MPRIP: variants seen among roughly 807,000 people sequenced by gnomAD.
MPRIP encodes the protein myosin phosphatase Rho-interacting protein.
A neutral mutation model predicts 234.9 loss-of-function variants in MPRIP; 59 were observed. The observed-to-expected ratio is 0.25, with a 90% CI of 0.20 to 0.31. The LOEUF is 0.31. MPRIP is among the 10% of genes least tolerant of loss of function. The pLI is 1.00. For synonymous variants in MPRIP, 1,144 were observed against 1,263.9 expected, an observed-to-expected ratio of 0.91 and a Z score of 2.01; for missense variants, 2,436 against 3,071.0, an observed-to-expected ratio of 0.79 and a Z score of 4.89.
chr17:17,156,284 GGAAT>G (rs1683437817), intron 13 of MPRIP, among the ~76,000 whole-genome samples: 1 of 152,248 alleles, frequency 6.6e-6, no homozygotes, highest in Non-Finnish European at 1.5e-5. Context: ...TGGGCCCAGG[GGAAT>G]GAATGAGGAG....
chr17:17,043,981 T>A (rs2088265102), intron 1 of MPRIP, among the ~76,000 whole-genome samples: 1 of 152,202 alleles, frequency 6.6e-6, no homozygotes. Context: ...GAAGAACCCC[T>A]TAGACTGAAA....
At chr17:17,132,500 G>T (rs1165122306) in intron 5 of MPRIP, among the ~76,000 whole-genome samples, 1 of 152,218 alleles carries the variant, frequency 6.6e-6, no homozygotes, top group African/African-American at 2.4e-5. Flanking sequence ...ATAGTCACCC[G>T]AGAGGGAGCA....
intron 5 of MPRIP, among the ~76,000 whole-genome samples, chr17:17,134,497 A>T (rs147141872): frequency 1.3e-4 from 20 of 152,246 alleles, no homozygotes; most frequent in Non-Finnish European, 2.8e-4. Flanking sequence ...GCTTCCGAGA[A>T]GCTGGCTTCT....
intron 3 of MPRIP, among the ~76,000 whole-genome samples, chr17:17,118,236 C>T (rs1296739376): frequency 6.6e-6 from 1 of 152,222 alleles, no homozygotes; most frequent in Non-Finnish European, 1.5e-5. Context: ...CTTCTAGGAG[C>T]CTGATCTAAC....
chr17:17,100,282 A>G (rs572690387), intron 3 of MPRIP, among the ~76,000 whole-genome samples: 8 of 152,342 alleles, frequency 5.3e-5, no homozygotes, highest in African/African-American at 1.7e-4. Flanking sequence ...CTTGGAGAGC[A>G]TGGCACGGCT....
chr17:17,072,831 C>G (rs2089230157), intron 1 of MPRIP, among the ~76,000 whole-genome samples: 1 of 152,178 alleles, frequency 6.6e-6, no homozygotes, highest in Non-Finnish European at 1.5e-5. Flanking sequence ...GCCTCTGCAC[C>G]TGTGCATCAG....
intron 3 of MPRIP, among the ~76,000 whole-genome samples, chr17:17,115,334 G>T (rs919112026): frequency 6.6e-6 from 1 of 152,226 alleles, no homozygotes; most frequent in Non-Finnish European, 1.5e-5. Flanking sequence ...TGATGGAGGC[G>T]GCATGCTGTG....
chr17:17,144,748 T>C (rs1050752523), intron 9 of MPRIP, among the ~76,000 whole-genome samples: 2 of 152,114 alleles, frequency 1.3e-5, no homozygotes, highest in African/African-American at 4.8e-5. Flanking sequence ...CCCAGCTATT[T>C]GAGAGGCTGA....
chr17:17,079,261 A>C (rs567481194), intron 3 of MPRIP, among the ~76,000 whole-genome samples: 3 of 152,190 alleles, frequency 2.0e-5, no homozygotes, highest in African/African-American at 4.8e-5. Flanking sequence ...CCTACTTAAA[A>C]AGAATTGTCT....
At chr17:17,072,829 A>C (rs958123466) in intron 1 of MPRIP, among the ~76,000 whole-genome samples, 21 of 151,926 alleles carry the variant, frequency 1.4e-4, no homozygotes, top group African/African-American at 5.1e-4. Flanking sequence ...CTGCCTCTGC[A>C]CCTGTGCATC....
At chr17:17,091,450 C>T (rs748884833) in intron 3 of MPRIP, among the ~76,000 whole-genome samples, 5 of 152,148 alleles carry the variant, frequency 3.3e-5, no homozygotes, top group African/African-American at 4.8e-5. Context: ...TTGGTGTGAA[C>T]AGGGCAGTTG....
At chr17:17,163,596 G>A (rs914847899) in intron 15 of MPRIP, among the ~76,000 whole-genome samples, 1 of 152,126 alleles carries the variant, frequency 6.6e-6, no homozygotes, top group Non-Finnish European at 1.5e-5. Flanking sequence ...ATGTCACCTT[G>A]CTGACATCTC....
chr17:17,086,416 CAATG>C (rs2089592336), intron 3 of MPRIP, among the ~76,000 whole-genome samples: 1 of 152,196 alleles, frequency 6.6e-6, no homozygotes, highest in African/African-American at 2.4e-5. Context: ...CTATTTGTAA[CAATG>C]AATTCCTTAA....
At chr17:17,145,916 G>T in intron 9 of MPRIP, 120 bp from the exon 10 acceptor site, 1 of 947,866 alleles carries the variant, frequency 1.1e-6, no homozygotes, top group Non-Finnish European at 1.6e-6. Flanking sequence ...GGCTTGTCTG[G>T]CAGGTGGAGA....
Position 17,177,314 on chromosome 17 carries a change from A to T in MPRIP, c.7022A>T (p.Lys2341Met). The T allele has an allele frequency of 6.2e-7, 1 of 1,614,058 alleles. No homozygotes were observed. Among genetic ancestry groups the T allele is most frequent in the South Asian group, 1.1e-5 (1 of 91,092 alleles). Residue 2341 changes from lysine to methionine, a missense_variant, in exon 22 of 24, where the codon AAG (lysine) becomes ATG (methionine). By Grantham distance (95) the Lys-to-Met change is moderately conservative. Transcript: ENST00000651222. The stretch of plus-strand genomic sequence containing the variant: ...ACAGAGCTCAGCATCGCGAAGGCTA[A>T]GGCTGACTGTGACATCAGCAGGTTG... Reference protein sequence around the residue: ...IYTELSIAKAKADCDISRLKE... With the variant: ...IYTELSIAKAMADCDISRLKE...
In MPRIP at chr17:17,138,149, C is replaced by T; in HGVS notation, c.970C>T (p.Gln324Ter). The T allele has an allele frequency of 3.7e-6, 5 of 1,346,434 alleles. No individual in the cohort carries two copies. Among genetic ancestry groups the T allele is most frequent in the Non-Finnish European group, 5.1e-6 (5 of 982,934 alleles). 83.4% of individuals were successfully genotyped at this position (1,346,434 alleles called of 1,614,324 possible). A position where few individuals can be genotyped will look rare whatever the true frequency, so the allele number is the denominator to read the frequency against. The change falls in exon 7 of 24, where the codon CAA (glutamine) becomes TAA (stop). Residue 324 changes from glutamine to a stop codon, truncating the protein, a stop_gained. Transcript: ENST00000651222. LOFTEE classifies it high-confidence loss of function. The surrounding 1 kb of genome is among the most constrained non-coding windows in gnomAD (Gnocchi z 5.8). ...LPSPGPRLPH[Q>*]MVCSISLSSL... ...TTCCCCAGGTCCTCGACTCCCCCAC[C>T]AAATGGTCTGCAGCATCTCCCTCAG...
intron 3 of MPRIP, among the ~76,000 whole-genome samples, chr17:17,112,639 A>G (rs1198605217): frequency 6.6e-6 from 1 of 152,026 alleles, no homozygotes; most frequent in African/African-American, 2.4e-5. Flanking sequence ...ACTGAGTTCC[A>G]CTTACTCCCA....
At chr17:17,162,351 C>T (rs2144616724) in intron 15 of MPRIP, among the ~76,000 whole-genome samples, 1 of 152,360 alleles carries the variant, frequency 6.6e-6, no homozygotes, top group East Asian at 1.9e-4. Context: ...TTGCAGACCG[C>T]AGTGCGCTGA....
chr17:17,107,434 C>T (rs780377960), intron 3 of MPRIP, among the ~76,000 whole-genome samples: 2 of 152,206 alleles, frequency 1.3e-5, no homozygotes, highest in Non-Finnish European at 2.9e-5. Context: ...CAGGTTGCTC[C>T]GGCATCTGGC....
Sources: allele counts gnomAD v4.1 joint callset (sites outside exome capture counted in the v4.1 genomes callset), GRCh38; gene constraint gnomAD v4.1.1; non-coding constraint Gnocchi (gnomAD v3.1); transcripts MANE v1.5; gene names NCBI Gene and HGNC (gene_info 2026-07-23, HGNC 2026-07-21).